The following OR52A5 variants were observed in gnomAD, a reference collection of about 807,000 sequenced individuals.
OR52A5 encodes the protein olfactory receptor 52A5.
OR52A5 carries 16 observed loss-of-function variants against 18.2 expected under a neutral mutation model. The observed-to-expected ratio is 0.88, with a 90% CI of 0.60 to 1.34. The LOEUF is 1.34. Ranked by LOEUF, OR52A5 falls within the 40% of genes most tolerant of loss-of-function variation. The pLI is 0.00. For synonymous variants in OR52A5, 140 were observed against 137.2 expected, an observed-to-expected ratio of 1.02 and a Z score of -0.14; for missense variants, 418 against 383.0, an observed-to-expected ratio of 1.09 and a Z score of -0.76.
At chr11:5,136,718 T>C (rs1357730045) in intron 1 of OR52A5, among the ~76,000 whole-genome samples, 2 of 152,194 alleles carry the variant, frequency 1.3e-5, no homozygotes, top group Non-Finnish European at 2.9e-5. Context: ...ACAAGGGCAT[T>C]CTTTAAAGAC....
At chr11:5,133,251 C>A (rs1846359886) in intron 1 of OR52A5, among the ~76,000 whole-genome samples, 1 of 151,486 alleles carries the variant, frequency 6.6e-6, no homozygotes. Context: ...GCCTGTAGTC[C>A]CAGCTACTTG....
Position 5,132,202 on chromosome 11 carries a change from T to G in OR52A5, c.441A>C (p.Gly147=), listed in dbSNP as rs770428344. The part of the protein sequence containing the change: ...IFSQQFLTHI[G]LGVTLRAAIL... ...TGGCAGCCCTGAGTGTCACCCCAAGTCCAATATGAGTTAAGAACTGCTGGG... is the reference window on the plus strand; with the variant it reads ...TGGCAGCCCTGAGTGTCACCCCAAGGCCAATATGAGTTAAGAACTGCTGGG... Residue 147 remains glycine, a synonymous_variant, in exon 2 of 2, where the codon GGA becomes GGC. Coordinates refer to ENST00000307388, the MANE Select transcript of OR52A5 (RefSeq NM_001005160.3). The G allele has an allele frequency of 6.2e-7, 1 of 1,613,996 alleles. No homozygotes were observed. Among genetic ancestry groups the G allele is most frequent in the Non-Finnish European group, 8.5e-7 (1 of 1,179,994 alleles).
intron 1 of OR52A5, among the ~76,000 whole-genome samples, chr11:5,137,208 A>G (rs1180372711): frequency 6.6e-6 from 1 of 152,224 alleles, no homozygotes; most frequent in Non-Finnish European, 1.5e-5. Context: ...ACAAATATGC[A>G]TATGTTTAAA....
chr11:5,131,765 A>G lies in OR52A5; in HGVS notation c.878T>C (p.Ile293Thr), dbSNP rs748833155. The change falls in exon 2 of 2, where the codon ATT becomes ACT. Residue 293 changes from isoleucine to threonine, a missense_variant. By Grantham distance (89) the Ile-to-Thr change is moderately conservative. Transcript: ENST00000307388. Reference protein sequence around the residue: ...YLLVPPFLNPIVYGVKTKQIR... With the variant: ...YLLVPPFLNPTVYGVKTKQIR... ...TTGCTTGGTCTTCACTCCATAGACA[A>G]TAGGGTTGAGAAAAGGTGGGACTAA... The G allele has an allele frequency of 6.2e-7, 1 of 1,614,074 alleles. No individual in the cohort carries two copies. Among genetic ancestry groups the G allele is most frequent in the Non-Finnish European group, 8.5e-7 (1 of 1,179,948 alleles).
chr11:5,137,956 C>G (rs1216439723), intron 1 of OR52A5, among the ~76,000 whole-genome samples: 1 of 152,182 alleles, frequency 6.6e-6, no homozygotes, highest in Non-Finnish European at 1.5e-5. Flanking sequence ...TTTGATGACA[C>G]AGTGAGCAGT....
chr11:5,131,830 T>C lies in OR52A5; in HGVS notation c.813A>G (p.Ile271Met), dbSNP rs1846339728. 1 of 1,614,052 alleles carries C rather than the reference T, an allele frequency of 6.2e-7. No individual in the cohort carries two copies. Among genetic ancestry groups the C allele is most frequent in the South Asian group, 1.1e-5 (1 of 91,074 alleles). Residue 271 changes from isoleucine (I) to methionine (M), a missense_variant, in exon 2 of 2, where the codon ATA (isoleucine) becomes ATG (methionine). Ile to Met is a conservative substitution (Grantham distance 10). Transcript: ENST00000307388. Reference protein sequence around the residue: ...SFFTHRFGSHIPPYIHILLSN... With the variant: ...SFFTHRFGSHMPPYIHILLSN... ...ACAAGAGGATATGAATATATGGTGG[T>C]ATGTGTGAACCAAACCTGTGTGTGA...
rs919790662 is a variant in OR52A5 at position 5,130,899 on chromosome 11, A to G, written c.*793T>C. On this transcript the variant is annotated 3_prime_UTR_variant, in exon 2 of 2. Coordinates refer to ENST00000307388, the MANE Select transcript of OR52A5 (RefSeq NM_001005160.3). ...TATGCCAGTTCTGTGTTTAGCTAATATATTATTTCAGGTTTGCATAATGAT... is the reference window on the plus strand; with the variant it reads ...TATGCCAGTTCTGTGTTTAGCTAATGTATTATTTCAGGTTTGCATAATGAT... 1.3e-5 allele frequency: 2 copies of G among 152,102 alleles called. No individual in the cohort carries two copies. Among genetic ancestry groups the G allele is most frequent in the Non-Finnish European group, 2.9e-5 (2 of 67,988 alleles). 9.4% of individuals were successfully genotyped at this position (152,102 alleles called of 1,614,324 possible).
In OR52A5 at chr11:5,130,164, T is replaced by C. The variant is rs1846322618; in HGVS notation, c.*1528A>G. 3.3e-5 allele frequency: 5 copies of C among 152,156 alleles called. No individual in the cohort carries two copies. The South Asian group carries it at 1.0e-3, about 31-fold the overall frequency. The allele number at this position is 152,156 out of a possible 1,614,324, so 9.4% of individuals were successfully genotyped here. ...AAATTTTTATTTTCTGTTGATTTTT[T>C]TCCAATATGGGTGTTTTGTCTATTT... On this transcript the variant is annotated 3_prime_UTR_variant, in exon 2 of 2. Transcript: ENST00000307388.
Position 5,131,637 on chromosome 11 carries a change from A to G in OR52A5, c.*55T>C. ...AGAATATTGATCTGTGACTTTCATTATATTTAGGTTTTTACTTAGAACCAA... is the reference window on the plus strand; with the variant it reads ...AGAATATTGATCTGTGACTTTCATTGTATTTAGGTTTTTACTTAGAACCAA... On this transcript the variant is annotated 3_prime_UTR_variant, in exon 2 of 2. Transcript: ENST00000307388. The G allele has an allele frequency of 1.0e-6, 1 of 972,918 alleles. No homozygotes were observed. Among genetic ancestry groups the G allele is most frequent in the Non-Finnish European group, 1.6e-6 (1 of 640,030 alleles). The allele number at this position is 972,918 out of a possible 1,614,324, so 60.3% of individuals were successfully genotyped here.
intron 1 of OR52A5, among the ~76,000 whole-genome samples, chr11:5,135,848 C>G (rs1345831899): frequency 1.3e-5 from 2 of 152,134 alleles, no homozygotes; most frequent in Non-Finnish European, 2.9e-5. Flanking sequence ...AAGGTACACC[C>G]AGACTACCTT....
chr11:5,132,368 G>A lies in OR52A5; in HGVS notation c.275C>T (p.Pro92Leu), dbSNP rs752988079. The A allele has an allele frequency of 1.9e-6, 3 of 1,614,052 alleles. No homozygotes were observed. The highest frequency in any genetic ancestry group is 2.5e-6 in the Non-Finnish European group (3 of 1,180,038). ...KMLGIFWFHL[P>L]EISFDACLFQ... ...AAGACAGGCATCAAAAGAAATCTCT[G>A]GCAAATGAAACCAGAAGATGCCTAA... Residue 92 changes from proline to leucine, a missense_variant, in exon 2 of 2, where the codon CCA becomes CTA. Pro to Leu is a moderately conservative substitution (Grantham distance 98). Coordinates refer to ENST00000307388, the MANE Select transcript of OR52A5 (RefSeq NM_001005160.3).
intron 1 of OR52A5, among the ~76,000 whole-genome samples, chr11:5,135,015 C>T (rs1359374492): frequency 6.6e-6 from 1 of 152,066 alleles, no homozygotes; most frequent in Non-Finnish European, 1.5e-5. Flanking sequence ...GCTGGGACTA[C>T]AGGCACCCGT....
intron 1 of OR52A5, among the ~76,000 whole-genome samples, chr11:5,134,628 C>T (rs560242704): frequency 8.9e-4 from 135 of 151,968 alleles, no homozygotes; most frequent in Non-Finnish European, 8.8e-5. Context: ...CAAAAAGTAA[C>T]ATGTACCATT....
rs139029637 is a variant in OR52A5, at chr11:5,131,785, G to C, written c.858C>G (p.Val286=). 6.2e-7 allele frequency: 1 copy of C among 1,613,912 alleles called. No homozygotes were observed. Among genetic ancestry groups the C allele is most frequent in the South Asian group, 1.1e-5 (1 of 91,038 alleles). ...AGACAATAGGGTTGAGAAAAGGTGGGACTAACAGGTAAAGATTTGACAAGA... is the reference window on the plus strand; with the variant it reads ...AGACAATAGGGTTGAGAAAAGGTGGCACTAACAGGTAAAGATTTGACAAGA... The part of the protein sequence containing the change: ...HILLSNLYLL[V]PPFLNPIVYG... Residue 286 remains valine, a synonymous_variant, in exon 2 of 2, where the codon GTC becomes GTG. Transcript: ENST00000307388.
rs934174151 is a variant in OR52A5 at position 5,129,064 on chromosome 11, A to C, written c.*2628T>G. On this transcript the variant is annotated 3_prime_UTR_variant, in exon 2 of 2. Coordinates refer to ENST00000307388, the MANE Select transcript of OR52A5 (RefSeq NM_001005160.3). ...CAGCATGCTTCTGAGAATGTTACAC[A>C]CAGCTCTGCCCAAAGACACTGACCT... The C allele has an allele frequency of 6.6e-6, 1 of 152,252 alleles. No individual in the cohort carries two copies. Among genetic ancestry groups the C allele is most frequent in the Non-Finnish European group, 1.5e-5 (1 of 68,034 alleles). 9.4% of individuals were successfully genotyped at this position (152,252 alleles called of 1,614,324 possible).
In OR52A5 at chr11:5,132,405, G is replaced by A. The variant is rs1020119493; in HGVS notation, c.238C>T (p.Leu80Phe). The change falls in exon 2 of 2, where the codon CTT (leucine) becomes TTT (phenylalanine). Residue 80 changes from leucine (L) to phenylalanine (F), a missense_variant. Leu to Phe is a conservative substitution (Grantham distance 22). Transcript: ENST00000307388. ...CAGAAGATGCCTAACATTTTGGGAA[G>A]AATGCAGGTGTTAAGTGCAATGTCT... ...ATDIALNTCI[L>F]PKMLGIFWFH... 4 of 1,614,034 alleles carry A rather than the reference G, an allele frequency of 2.5e-6. No homozygotes were observed. The African/African-American group carries it at 5.3e-5, about 22-fold the overall frequency.
intron 1 of OR52A5, among the ~76,000 whole-genome samples, chr11:5,134,907 T>C (rs1405239578): frequency 6.6e-6 from 1 of 152,192 alleles, no homozygotes; most frequent in Non-Finnish European, 1.5e-5. Context: ...TTTGAGATTA[T>C]CGCCCAGGCT....
In OR52A5 at chr11:5,132,473, A is replaced by C; in HGVS notation, c.170T>G (p.Leu57Arg). The C allele has an allele frequency of 6.2e-7, 1 of 1,614,206 alleles. No individual in the cohort carries two copies. The highest frequency in any genetic ancestry group is 8.5e-7 in the Non-Finnish European group (1 of 1,180,034). ...ILVIIKYENS[L>R]HIPMYIFLAM... ...CAAAAAAATGTACATGGGTATATGG[A>C]GGCTGTTTTCATATTTGATTATAAC... The change falls in exon 2 of 2, where the codon CTC (leucine) becomes CGC (arginine). Residue 57 changes from leucine (L) to arginine (R), a missense_variant. Physicochemically the swap from Leu to Arg is moderately radical, Grantham distance 102. Transcript: ENST00000307388.
In OR52A5 at chr11:5,132,533, T is replaced by C. The variant is rs1335108108; in HGVS notation, c.110A>G (p.Tyr37Cys). The C allele has an allele frequency of 1.9e-6, 3 of 1,613,774 alleles. No individual in the cohort carries two copies. Among genetic ancestry groups the C allele is most frequent in the East Asian group, 2.2e-5 (1 of 44,874 alleles). The change falls in exon 2 of 2, where the codon TAT becomes TGT. Residue 37 changes from tyrosine (Y) to cysteine (C), a missense_variant. Tyr to Cys is a radical substitution (Grantham distance 194). Transcript: ENST00000307388. The stretch of plus-strand genomic sequence containing the variant: ...GGAATTTCCAATCACACCAATAAGA[T>C]ACATGGCAGAGAAAGGAATCCCAAT... Reference protein sequence around the residue: ...CWIGIPFSAMYLIGVIGNSLI... With the variant: ...CWIGIPFSAMCLIGVIGNSLI...
Sources: allele counts gnomAD v4.1 joint callset (sites outside exome capture counted in the v4.1 genomes callset), GRCh38; gene constraint gnomAD v4.1.1; transcripts MANE v1.5; gene names NCBI Gene and HGNC (gene_info 2026-07-23, HGNC 2026-07-21).